The following TRPM3 variants were observed in gnomAD, a reference collection of about 807,000 sequenced individuals.
TRPM3 encodes the protein transient receptor potential cation channel subfamily M member 3, also known as long transient receptor potential channel 3.
In TRPM3, 77 loss-of-function variants were observed where a neutral mutation model predicts 181.2. The observed-to-expected ratio is 0.42, with a 90% CI of 0.35 to 0.51. The LOEUF is 0.51. TRPM3 is among the 20% of genes least tolerant of loss of function. TRPM3 has a pLI of 0.01. For missense variants in TRPM3, 1,759 were observed against 2,196.7 expected (o/e 0.80, Z 3.98); for synonymous variants, 745 against 796.4 (o/e 0.94, Z 1.09).
At chr9:70,573,383 T>G (rs62545468) in intron 22 of TRPM3, among the ~76,000 whole-genome samples, 1 of 152,200 alleles carries the variant, frequency 6.6e-6, no homozygotes, top group African/African-American at 2.4e-5. Flanking sequence ...TGCAAAAATT[T>G]GTGTATTTAA....
intron 1 of TRPM3, among the ~76,000 whole-genome samples, chr9:70,909,566 T>C (rs1589704823): frequency 6.6e-6 from 1 of 152,064 alleles, no homozygotes; most frequent in South Asian, 2.1e-4. Flanking sequence ...ATTGAGCAGG[T>C]AGACAAAGGC....
chr9:70,901,426 T>C (rs2096385164), intron 1 of TRPM3, among the ~76,000 whole-genome samples: 1 of 152,174 alleles, frequency 6.6e-6, no homozygotes. Flanking sequence ...TAAGGGAAAT[T>C]ATTAATATAA....
intron 1 of TRPM3, among the ~76,000 whole-genome samples, chr9:71,287,341 C>T (rs1314449604): frequency 6.6e-6 from 1 of 151,682 alleles, no homozygotes; most frequent in Non-Finnish European, 1.5e-5. Context: ...CTTCTGAAGT[C>T]TCAGGCATTT....
At chr9:71,290,595 T>TA (rs1473774854) in intron 1 of TRPM3, among the ~76,000 whole-genome samples, 2 of 151,914 alleles carry the variant, frequency 1.3e-5, no homozygotes, top group Non-Finnish European at 2.9e-5. Flanking sequence ...AAGGAACATA[T>TA]AAAATTCAAG....
intron 1 of TRPM3, among the ~76,000 whole-genome samples, chr9:71,073,654 C>T (rs1348306858): frequency 1.3e-5 from 2 of 151,826 alleles, no homozygotes; most frequent in South Asian, 2.1e-4. Context: ...AAAAAAAAAC[C>T]CAATTTATTT....
chr9:70,583,381 A>G (rs927994980), intron 22 of TRPM3, among the ~76,000 whole-genome samples: 6 of 152,218 alleles, frequency 3.9e-5, no homozygotes, highest in Admixed American at 6.5e-5. Context: ...CAGGTTACCT[A>G]TGACTTATAG....
intron 14 of TRPM3, among the ~76,000 whole-genome samples, chr9:70,622,097 T>G (rs1422173579): frequency 6.6e-6 from 1 of 152,090 alleles, no homozygotes; most frequent in African/African-American, 2.4e-5. Context: ...AGGAATGGGA[T>G]TAGTACCCTT....
intron 1 of TRPM3, among the ~76,000 whole-genome samples, chr9:71,273,063 T>C (rs2083928711): frequency 6.6e-6 from 1 of 151,978 alleles, no homozygotes; most frequent in Admixed American, 6.6e-5. Context: ...TTAGTGGAGA[T>C]GGGATTTCAC....
At chr9:71,116,511 G>T (rs190670991) in intron 1 of TRPM3, among the ~76,000 whole-genome samples, 1 of 152,240 alleles carries the variant, frequency 6.6e-6, no homozygotes, top group East Asian at 1.9e-4. Flanking sequence ...TTGGTTATTT[G>T]GATCTTACTT....
At chr9:71,381,046 A>G (rs2092788332) in intron 1 of TRPM3, among the ~76,000 whole-genome samples, 1 of 152,084 alleles carries the variant, frequency 6.6e-6, no homozygotes, top group Admixed American at 6.6e-5. Context: ...TGGTGTTGAG[A>G]TTGAAATAAG....
At chr9:71,307,664 T>G (rs1168310813) in intron 1 of TRPM3, among the ~76,000 whole-genome samples, 1 of 152,166 alleles carries the variant, frequency 6.6e-6, no homozygotes, top group Non-Finnish European at 1.5e-5. Flanking sequence ...TTTTCTTAGG[T>G]AAAAGCATTA....
At chr9:70,601,675 C>G (rs2132724509) in intron 20 of TRPM3, among the ~76,000 whole-genome samples, 1 of 152,314 alleles carries the variant, frequency 6.6e-6, no homozygotes, top group Non-Finnish European at 1.5e-5. Context: ...CTCCAAAGCC[C>G]TGCCCTCCCT....
At position 70,530,382 on chromosome 9, in the gene TRPM3, C is replaced by T. The variant is rs1440248648; in HGVS notation, c.*5571G>A. The T allele has an allele frequency of 1.3e-5, 2 of 152,256 alleles. No homozygotes were observed. Among genetic ancestry groups the T allele is most frequent in the Non-Finnish European group, 2.9e-5 (2 of 68,088 alleles). 9.4% of individuals were successfully genotyped at this position (152,256 alleles called of 1,614,324 possible). A position where few individuals can be genotyped will look rare whatever the true frequency, so the allele number is the denominator to read the frequency against. Reference sequence around the variant, plus strand: ...CCCATAGGCCTCAGCCACCTGTCTCCTCCAGAGGAAGGCATGGGTCCTGAT... The same window carrying T: ...CCCATAGGCCTCAGCCACCTGTCTCTTCCAGAGGAAGGCATGGGTCCTGAT... On this transcript the variant is annotated 3_prime_UTR_variant, in exon 26 of 26. Coordinates refer to ENST00000677713, the MANE Select transcript of TRPM3 (RefSeq NM_001366145.2).
In TRPM3 at chr9:70,536,291, C is replaced by T. The variant is rs1564189547; in HGVS notation, c.4822G>A (p.Asp1608Asn). 6 of 1,614,208 alleles carry T rather than the reference C, an allele frequency of 3.7e-6. No individual in the cohort carries two copies. In the East Asian group the frequency reaches 1.1e-4, roughly 30 times the overall value. ...CCTTTGGCCTCATTCTCCTCACTGT[C>T]AGAGCTGGGGTGACTCAGTTCTGCT... ...REAELSHPSS[D>N]SEENEAKGRR... is the part of the protein sequence containing the mutation. Residue 1608 changes from aspartate (D) to asparagine (N), a missense_variant, in exon 26 of 26, where the codon GAC becomes AAC. Asp to Asn is a conservative substitution (Grantham distance 23, BLOSUM62 1). Around this residue, in one of 8 missense-constraint regions of TRPM3, gnomAD observed 612 missense variants for 590.0 expected, o/e 1.04. Transcript: ENST00000677713.
chr9:71,266,582 T>C (rs182343250), intron 1 of TRPM3, among the ~76,000 whole-genome samples: 1 of 152,260 alleles, frequency 6.6e-6, no homozygotes, highest in East Asian at 1.9e-4. Context: ...AATTTCAGTG[T>C]GTTTTGTGTT....
intron 1 of TRPM3, among the ~76,000 whole-genome samples, chr9:71,279,709 G>C (rs1216884514): frequency 6.6e-6 from 1 of 152,186 alleles, no homozygotes; most frequent in Non-Finnish European, 1.5e-5. Flanking sequence ...AGAGGACTCA[G>C]CGTAGACAGG....
chr9:71,367,457 A>C (rs2092371300), intron 1 of TRPM3, among the ~76,000 whole-genome samples: 1 of 152,178 alleles, frequency 6.6e-6, no homozygotes, highest in Admixed American at 6.5e-5. Context: ...GTAAAAGGCA[A>C]GTTTGTAAAT....
chr9:71,201,274 T>C (rs2131729775), intron 1 of TRPM3, among the ~76,000 whole-genome samples: 2 of 152,306 alleles, frequency 1.3e-5, no homozygotes, highest in South Asian at 4.1e-4. Context: ...CCTTTGTGGG[T>C]AACCCGACCT....
intron 25 of TRPM3, among the ~76,000 whole-genome samples, chr9:70,543,615 G>C (rs536408931): frequency 2.4e-4 from 37 of 152,016 alleles, no homozygotes; most frequent in Non-Finnish European, 4.6e-4. Context: ...TCTGTGCCTG[G>C]CTTTGAATAT....
Sources: allele counts gnomAD v4.1 joint callset (sites outside exome capture counted in the v4.1 genomes callset), GRCh38; gene constraint gnomAD v4.1.1; regional missense constraint gnomAD v4.1.1; transcripts MANE v1.5; gene names NCBI Gene and HGNC (gene_info 2026-07-23, HGNC 2026-07-21).